Variants in ROBO1 observed in about 807,000 individuals in gnomAD.
ROBO1 encodes the protein roundabout homolog 1.
In ROBO1, 149 loss-of-function variants were observed where a neutral mutation model predicts 195.9. That is an observed-to-expected ratio of 0.76 (90% confidence interval 0.67 to 0.87). ROBO1 has a LOEUF of 0.87. ROBO1 is among the 40% of genes least tolerant of loss of function. ROBO1 has a pLI of 0.00. For synonymous variants in ROBO1, 816 were observed against 733.2 expected, an observed-to-expected ratio of 1.11 and a Z score of -1.82; for missense variants, 1,933 against 2,068.3, an observed-to-expected ratio of 0.93 and a Z score of 1.27.
chr3:79,437,276 G>T (rs1384813192), intron 2 of ROBO1, among the ~76,000 whole-genome samples: 1 of 151,894 alleles, frequency 6.6e-6, no homozygotes, highest in Non-Finnish European at 1.5e-5. Flanking sequence ...AGATAATATT[G>T]CCCAAGTTAA....
chr3:79,755,708 C>T (rs879881379), intron 1 of ROBO1, among the ~76,000 whole-genome samples: 5 of 152,052 alleles, frequency 3.3e-5, no homozygotes, highest in Admixed American at 2.6e-4. Flanking sequence ...TTTCCAGCAC[C>T]AAGAGCAATC....
At chr3:78,850,820 T>C in intron 4 of ROBO1, among the ~76,000 whole-genome samples, 1 of 152,126 alleles carries the variant, frequency 6.6e-6, no homozygotes, top group Non-Finnish European at 1.5e-5. Flanking sequence ...TTTTTTTTCT[T>C]TTTGAGATGG....
chr3:78,762,914 T>C (rs1294198906), intron 4 of ROBO1, among the ~76,000 whole-genome samples: 1 of 152,072 alleles, frequency 6.6e-6, no homozygotes, highest in Non-Finnish European at 1.5e-5. Context: ...AATTATAAAA[T>C]GTTCCAGGAT....
At chr3:79,657,967 A>T (rs376319560) in intron 1 of ROBO1, among the ~76,000 whole-genome samples, 99 of 152,234 alleles carry the variant, frequency 6.5e-4, no homozygotes, top group African/African-American at 2.3e-3. Flanking sequence ...ATGAAGAAAA[A>T]ATTGTATGTA....
chr3:78,599,475 G>A (rs575201080), intron 30 of ROBO1, among the ~76,000 whole-genome samples: 6 of 152,184 alleles, frequency 3.9e-5, no homozygotes, highest in East Asian at 1.9e-4. Flanking sequence ...CATTTGACAC[G>A]TATTTATCTA....
Position 79,561,094 on chromosome 3 carries a change from C to T in ROBO1, c.88+28730G>A, listed in dbSNP as rs183944026. 5.1e-3 allele frequency among the ~76,000 whole-genome samples: 724 copies of T among 141,160 alleles called. 7 individuals are homozygous for T. The highest frequency in any genetic ancestry group is 0.03 in the Middle Eastern group (8 of 266). 92.6% of individuals were successfully genotyped at this position (141,160 alleles called of 152,430 possible). On this transcript the variant is annotated intron_variant, in intron 2 of 30. Transcript: ENST00000464233. The stretch of plus-strand genomic sequence containing the variant: ...AGACTTTGCATCGTGGCTACTGTCA[C>T]CACCAGAAAAAAAATATATGACCTT...
At chr3:79,725,434 G>A (rs1470649581) in intron 1 of ROBO1, among the ~76,000 whole-genome samples, 1 of 151,634 alleles carries the variant, frequency 6.6e-6, no homozygotes, top group East Asian at 1.9e-4. Flanking sequence ...CACCGTGTTA[G>A]CCAGGATGGT....
chr3:79,493,836 C>G (rs1939593819), intron 2 of ROBO1, among the ~76,000 whole-genome samples: 2 of 152,056 alleles, frequency 1.3e-5, no homozygotes, highest in Admixed American at 1.3e-4. Flanking sequence ...TTCATCATTT[C>G]TTTTGTTAGA....
intron 2 of ROBO1, among the ~76,000 whole-genome samples, chr3:79,212,321 A>T (rs1330255564): frequency 6.6e-6 from 1 of 152,206 alleles, no homozygotes; most frequent in Non-Finnish European, 1.5e-5. Context: ...AACAACTGAT[A>T]AGAAAATACT....
chr3:79,567,615 T>A (rs1943132564), intron 2 of ROBO1, among the ~76,000 whole-genome samples: 1 of 152,142 alleles, frequency 6.6e-6, no homozygotes, highest in South Asian at 2.1e-4. Flanking sequence ...TATACCTCTT[T>A]TCTTGTCACT....
chr3:79,471,471 C>G (rs1157368915), intron 2 of ROBO1, among the ~76,000 whole-genome samples: 1 of 152,018 alleles, frequency 6.6e-6, no homozygotes, highest in Non-Finnish European at 1.5e-5. Flanking sequence ...ATTTAATAAA[C>G]TAAAAAAGAT....
rs542954673 is a variant in ROBO1 at position 79,683,558 on chromosome 3, T to TACAA, written c.-51+84190_-51+84193dup. Reference sequence around the variant, plus strand: ...TCTACTTTCAAAACATGTTTATCACTACAAACAAACAAACAAACAAACATG... The same window carrying TACAA: ...TCTACTTTCAAAACATGTTTATCACTACAAACAAACAAACAAACAAACAAACATG... On this transcript the variant is annotated intron_variant, in intron 1 of 30. Coordinates refer to ENST00000464233, the MANE Select transcript of ROBO1 (RefSeq NM_002941.4). Among the ~76,000 whole-genome samples, 91 of 152,196 alleles carry TACAA rather than the reference T, an allele frequency of 6.0e-4. 1 individual carries two copies. In the East Asian group the frequency reaches 0.011, roughly 18 times the overall value.
intron 5 of ROBO1, among the ~76,000 whole-genome samples, chr3:78,735,916 G>A (rs370578247): frequency 1.6e-4 from 24 of 152,132 alleles, no homozygotes; most frequent in Middle Eastern, 3.4e-3. Context: ...GTAAACCAAC[G>A]GGCTTGGCAT....
chr3:79,522,534 A>T (rs531865421), intron 2 of ROBO1, among the ~76,000 whole-genome samples: 9 of 152,152 alleles, frequency 5.9e-5, no homozygotes, highest in African/African-American at 2.2e-4. Flanking sequence ...ACTGATTTCC[A>T]CTTGCTTTTG....
chr3:78,805,015 G>T (rs1177982172), intron 4 of ROBO1, among the ~76,000 whole-genome samples: 2 of 152,058 alleles, frequency 1.3e-5, no homozygotes, highest in Non-Finnish European at 2.9e-5. Flanking sequence ...CTTCCTGTTT[G>T]TGCCTGTTTA....
At chr3:78,717,965 T>C in intron 5 of ROBO1, 82 bp from the exon 6 acceptor site, 2 of 1,328,686 alleles carry the variant, frequency 1.5e-6, no homozygotes, top group South Asian at 2.6e-5. Flanking sequence ...AAGTGAAGAC[T>C]GCTTTCTAAG....
At chr3:78,952,103 T>C (rs2040822707) in intron 3 of ROBO1, among the ~76,000 whole-genome samples, 2 of 151,740 alleles carry the variant, frequency 1.3e-5, no homozygotes, top group East Asian at 3.9e-4. Context: ...GTATTTATTT[T>C]ATTAGTAGTT....
At chr3:78,633,687 T>C (rs748699403) in intron 24 of ROBO1, among the ~76,000 whole-genome samples, 1 of 152,204 alleles carries the variant, frequency 6.6e-6, no homozygotes, top group African/African-American at 2.4e-5. Flanking sequence ...ATGTTTCTTC[T>C]GGCTTTGCTA....
At chr3:79,688,355 AC>A (rs1236974312) in intron 1 of ROBO1, among the ~76,000 whole-genome samples, 2 of 151,976 alleles carry the variant, frequency 1.3e-5, no homozygotes, top group African/African-American at 4.8e-5. Flanking sequence ...GTACCCTAAA[AC>A]TTAAAGTATA....
Sources: allele counts gnomAD v4.1 joint callset (sites outside exome capture counted in the v4.1 genomes callset), GRCh38; gene constraint gnomAD v4.1.1; transcripts MANE v1.5; gene names NCBI Gene and HGNC (gene_info 2026-07-23, HGNC 2026-07-21).